The following CNTN1 variants were observed in gnomAD, a reference collection of about 807,000 sequenced individuals.
The protein encoded by CNTN1 is contactin-1.
CNTN1 carries 38 observed loss-of-function variants against 126.4 expected under a neutral mutation model. The observed-to-expected ratio is 0.30, with a 90% CI of 0.23 to 0.39. The LOEUF (loss-of-function observed/expected upper bound fraction) is 0.39. CNTN1 is among the 10% of genes least tolerant of loss of function. The pLI is 1.00. For missense variants in CNTN1, 1,009 were observed against 1,248.4 expected, an observed-to-expected ratio of 0.81 and a Z score of 2.89; for synonymous variants, 413 against 422.6, an observed-to-expected ratio of 0.98 and a Z score of 0.28.
At chr12:40,793,465 GA>G (rs5797683) in intron 1 of CNTN1, among the ~76,000 whole-genome samples, 126,139 of 145,584 alleles carry the variant, frequency 0.87, 54,617 homozygotes, top group South Asian at 0.94. Flanking sequence ...TACTTGTGGG[GA>G]AAAAAAAAAA....
chr12:40,744,978 A>T (rs567753166), intron 1 of CNTN1, among the ~76,000 whole-genome samples: 3 of 152,206 alleles, frequency 2.0e-5, no homozygotes, highest in Non-Finnish European at 2.9e-5. Flanking sequence ...TTGTGATTGG[A>T]CTGTAGCAAT....
At chr12:40,925,591 GTA>G (rs148857277) in intron 6 of CNTN1, among the ~76,000 whole-genome samples, 5,538 of 135,842 alleles carry the variant, frequency 0.041, 143 homozygotes, top group Non-Finnish European at 0.055. Flanking sequence ...ATATATACAT[GTA>G]TATATATATA....
chr12:40,944,160 G>C lies in CNTN1; in HGVS notation c.1673G>C (p.Arg558Thr), dbSNP rs1430363190. 1 of 1,612,306 alleles carries C rather than the reference G, an allele frequency of 6.2e-7. No individual in the cohort carries two copies. The highest frequency in any genetic ancestry group is 1.1e-5 in the South Asian group (1 of 91,034). Reference sequence around the variant, plus strand: ...AACAAAGAGAATATTCACTACCAGAGGAATTTTATGGTATGTGTTTTAAGT... The same window carrying C: ...AACAAAGAGAATATTCACTACCAGACGAATTTTATGGTATGTGTTTTAAGT... Reference protein sequence around the residue: ...DFNKENIHYQRNFMLDSNGEL... With the variant: ...DFNKENIHYQTNFMLDSNGEL... The change falls in exon 14 of 24, where the codon AGG (arginine) becomes ACG (threonine). Residue 558 changes from arginine (R) to threonine (T), a missense_variant. Transcript: ENST00000551295.
chr12:40,862,696 A>C (rs949601913), intron 1 of CNTN1, among the ~76,000 whole-genome samples: 5 of 152,124 alleles, frequency 3.3e-5, no homozygotes, highest in African/African-American at 1.2e-4. Context: ...CTGTATTGTC[A>C]ATGTAAAGGT....
intron 1 of CNTN1, among the ~76,000 whole-genome samples, chr12:40,779,710 C>T (rs541850666): frequency 6.6e-6 from 1 of 151,756 alleles, no homozygotes; most frequent in South Asian, 2.1e-4. Context: ...CATAGAAGTT[C>T]CTCAAAGTTA....
chr12:40,909,550 G>T (rs942783261), intron 2 of CNTN1, among the ~76,000 whole-genome samples: 41 of 151,582 alleles, frequency 2.7e-4, no homozygotes, highest in African/African-American at 9.7e-4. Context: ...AATCTGACGG[G>T]CATCATTATT....
chr12:40,918,800 T>A, intron 4 of CNTN1, 29 bp downstream of exon 4: 2 of 1,612,480 alleles, frequency 1.2e-6, no homozygotes, highest in South Asian at 1.1e-5. Flanking sequence ...CTTTTCAGAG[T>A]GGAGTGTCAG....
chr12:41,062,846 A>C (rs543094307), intron 23 of CNTN1, among the ~76,000 whole-genome samples: 1 of 152,322 alleles, frequency 6.6e-6, no homozygotes, highest in South Asian at 2.1e-4. Context: ...AATAAAATAA[A>C]TACCTAACTG....
chr12:40,913,990 T>G (rs566301895), intron 3 of CNTN1, among the ~76,000 whole-genome samples: 1 of 152,306 alleles, frequency 6.6e-6, no homozygotes, highest in African/African-American at 2.4e-5. Context: ...AAGCTTCAAT[T>G]AGCTTGAGAG....
At chr12:40,695,044 T>G (rs761651523) in intron 1 of CNTN1, among the ~76,000 whole-genome samples, 3 of 152,234 alleles carry the variant, frequency 2.0e-5, no homozygotes, top group Non-Finnish European at 2.9e-5. Flanking sequence ...TATTTTCACT[T>G]GGGAACTTAA....
At chr12:40,916,338 C>G (rs975244773) in intron 3 of CNTN1, among the ~76,000 whole-genome samples, 4 of 152,058 alleles carry the variant, frequency 2.6e-5, no homozygotes, top group Admixed American at 2.0e-4. Flanking sequence ...GTCAGAAACC[C>G]TGTGCAATTG....
chr12:40,964,377 G>A (rs938401216), intron 15 of CNTN1, among the ~76,000 whole-genome samples: 1 of 152,052 alleles, frequency 6.6e-6, no homozygotes, highest in Admixed American at 6.6e-5. Context: ...TTTGGAAAAA[G>A]AGTAGCTGAA....
intron 1 of CNTN1, among the ~76,000 whole-genome samples, chr12:40,888,367 ATAAC>A (rs944317009): frequency 6.6e-6 from 1 of 152,196 alleles, no homozygotes; most frequent in African/African-American, 2.4e-5. Context: ...TCAAAAAACA[ATAAC>A]TAATTTTTCA....
At chr12:40,950,072 A>G (rs1477568573) in intron 14 of CNTN1, among the ~76,000 whole-genome samples, 1 of 151,080 alleles carries the variant, frequency 6.6e-6, no homozygotes, top group South Asian at 2.1e-4. Flanking sequence ...ATTTTTGGTT[A>G]TCACAACTGT....
intron 1 of CNTN1, among the ~76,000 whole-genome samples, chr12:40,907,189 C>G (rs1417809437): frequency 1.3e-5 from 2 of 152,138 alleles, no homozygotes. Context: ...CCAAATGACT[C>G]AAATCTAAGA....
At chr12:40,876,390 T>G (rs1304928344) in intron 1 of CNTN1, among the ~76,000 whole-genome samples, 1 of 152,066 alleles carries the variant, frequency 6.6e-6, no homozygotes. Flanking sequence ...CCCAACAATT[T>G]GTATAGTAAA....
At chr12:40,795,896 C>T (rs938533337) in intron 1 of CNTN1, among the ~76,000 whole-genome samples, 1 of 152,066 alleles carries the variant, frequency 6.6e-6, no homozygotes, top group African/African-American at 2.4e-5. Context: ...ATCAATGCAA[C>T]ATTCCTATGA....
chr12:40,924,098 G>C (rs1340249133), intron 5 of CNTN1, among the ~76,000 whole-genome samples: 2 of 152,064 alleles, frequency 1.3e-5, no homozygotes, highest in African/African-American at 4.8e-5. Context: ...TGAGGGTCCT[G>C]CCTTTCACCC....
chr12:40,825,239 A>G (rs1941573948), intron 1 of CNTN1, among the ~76,000 whole-genome samples: 1 of 152,170 alleles, frequency 6.6e-6, no homozygotes, highest in African/African-American at 2.4e-5. Flanking sequence ...ATCTTCTCCC[A>G]CAGTACTTAT....
Sources: allele counts gnomAD v4.1 joint callset (sites outside exome capture counted in the v4.1 genomes callset), GRCh38; gene constraint gnomAD v4.1.1; transcripts MANE v1.5; gene names NCBI Gene and HGNC (gene_info 2026-07-23, HGNC 2026-07-21).